COL4A1: variants seen among roughly 807,000 people sequenced by gnomAD.
The protein encoded by COL4A1 is collagen type IV alpha 1 chain.
Under a neutral mutation model 216.6 loss-of-function variants are expected in COL4A1, and 40 were observed. The ratio of observed to expected loss-of-function variants is 0.18; its 90% confidence interval spans 0.14 to 0.24. COL4A1 has a LOEUF of 0.24. COL4A1 is among the 10% of genes least tolerant of loss of function. COL4A1 has a pLI of 1.00. For missense variants in COL4A1, 1,628 were observed against 2,196.8 expected (o/e 0.74, Z 5.18); for synonymous variants, 839 against 810.7 (o/e 1.03, Z -0.59).
At chr13:110,182,748 T>C in intron 28 of COL4A1, among the ~76,000 whole-genome samples, 1 of 152,240 alleles carries the variant, frequency 6.6e-6, no homozygotes, top group East Asian at 1.9e-4. Context: ...CGGGCACCAT[T>C]GGTGGCAGTG....
At chr13:110,248,948 T>C (rs1295009788) in intron 1 of COL4A1, among the ~76,000 whole-genome samples, 1 of 152,154 alleles carries the variant, frequency 6.6e-6, no homozygotes, top group Non-Finnish European at 1.5e-5. Context: ...TTCTAGCTTC[T>C]GTCCTGTTTG....
At chr13:110,222,224 G>A (rs889509229) in intron 2 of COL4A1, among the ~76,000 whole-genome samples, 2 of 152,084 alleles carry the variant, frequency 1.3e-5, no homozygotes, top group African/African-American at 2.4e-5. Flanking sequence ...TGGCACCTCA[G>A]ACACACCCAT....
At chr13:110,165,497 C>T (rs919265654) in intron 45 of COL4A1, among the ~76,000 whole-genome samples, 25 of 152,096 alleles carry the variant, frequency 1.6e-4, no homozygotes, top group African/African-American at 5.5e-4. Context: ...ACACAAAGTG[C>T]GAGTTCCCCT....
intron 2 of COL4A1, among the ~76,000 whole-genome samples, chr13:110,221,203 A>G (rs991172181): frequency 1.3e-5 from 2 of 152,232 alleles, no homozygotes; most frequent in Admixed American, 1.3e-4. Flanking sequence ...ATGTAATCCA[A>G]AGCTAGAAGG....
chr13:110,209,476 C>A (rs1262278488), intron 10 of COL4A1, 49 bp from the exon 11 acceptor site: 7 of 1,279,714 alleles, frequency 5.5e-6, no homozygotes, highest in African/African-American at 1.5e-5. Context: ...CTCTAGGGAG[C>A]TTTAAGCCCT....
intron 1 of COL4A1, among the ~76,000 whole-genome samples, chr13:110,250,697 G>A (rs531881221): frequency 6.6e-6 from 1 of 152,264 alleles, no homozygotes; most frequent in African/African-American, 2.4e-5. Context: ...TGGGCTTCGT[G>A]TGTGTCTGCT....
In COL4A1 at chr13:110,174,013, T is replaced by A; in HGVS notation, c.3407-15A>T. The A allele has an allele frequency of 6.2e-7, 1 of 1,613,806 alleles. No homozygotes were observed. Among genetic ancestry groups the A allele is most frequent in the Non-Finnish European group, 8.5e-7 (1 of 1,179,898 alleles). On this transcript the variant is annotated splice_polypyrimidine_tract_variant and intron_variant, in intron 39 of 51. Transcript: ENST00000375820. The stretch of plus-strand genomic sequence containing the variant: ...CCCAGGAAGACCTCAAAGAGAAAAG[T>A]CACATCAGACACCCGCATAACCTCT...
rs142112358 is a variant in COL4A1 at position 110,271,823 on chromosome 13, G to C, written c.85-29089C>G. The stretch of plus-strand genomic sequence containing the variant: ...ATTTTCATCATTGTTCTGTGGTTTT[G>C]TAAGACATTAACATTTGGGGAATTT... On this transcript the variant is annotated intron_variant, in intron 1 of 51. Coordinates refer to ENST00000375820, the MANE Select transcript of COL4A1 (RefSeq NM_001845.6). 6.7e-3 allele frequency among the ~76,000 whole-genome samples: 1,027 copies of C among 152,306 alleles called. 4 individuals are homozygous for C. The highest frequency in any genetic ancestry group is 0.012 in the Non-Finnish European group (796 of 68,014).
intron 11 of COL4A1, among the ~76,000 whole-genome samples, chr13:110,209,151 G>C (rs559425189): frequency 8.2e-3 from 62 of 7,522 alleles, no homozygotes; most frequent in Admixed American, 0.017. Context: ...GAAAACTAAG[G>C]GAAATATCAG....
intron 2 of COL4A1, among the ~76,000 whole-genome samples, chr13:110,219,943 T>G (rs1010364563): frequency 2.0e-5 from 2 of 100,108 alleles, no homozygotes; most frequent in African/African-American, 8.0e-5. Context: ...TATGTGTGTG[T>G]ATATATACAC....
At chr13:110,213,370 T>G (rs1485926022) in intron 4 of COL4A1, among the ~76,000 whole-genome samples, 1 of 152,172 alleles carries the variant, frequency 6.6e-6, no homozygotes, top group Non-Finnish European at 1.5e-5. Context: ...TCATCATTAC[T>G]AAGAGGTGGA....
intron 2 of COL4A1, among the ~76,000 whole-genome samples, chr13:110,220,180 T>G (rs1425527058): frequency 6.6e-6 from 1 of 152,018 alleles, no homozygotes; most frequent in South Asian, 2.1e-4. Flanking sequence ...TCATGTGATT[T>G]GTCCGCCTTG....
At chr13:110,151,246 T>TGGG (rs934506225) in intron 51 of COL4A1, among the ~76,000 whole-genome samples, 28 of 152,286 alleles carry the variant, frequency 1.8e-4, no homozygotes, top group African/African-American at 6.0e-4. Context: ...TTTAAATTAA[T>TGGG]GGGATCTTAC....
At chr13:110,182,954 C>T in intron 28 of COL4A1, 39 bp downstream of exon 28, 4 of 1,573,912 alleles carry the variant, frequency 2.5e-6, no homozygotes, top group Non-Finnish European at 2.6e-6. Flanking sequence ...ACAGAAGTCA[C>T]AGGTGGACCA....
chr13:110,193,506 C>T (rs536944514), intron 22 of COL4A1, among the ~76,000 whole-genome samples: 14 of 152,230 alleles, frequency 9.2e-5, no homozygotes, highest in Non-Finnish European at 2.1e-4. Flanking sequence ...GCTCAGAGAC[C>T]TTACATTGTC....
intron 1 of COL4A1, among the ~76,000 whole-genome samples, chr13:110,258,694 A>G (rs1379304468): frequency 1.3e-5 from 2 of 152,250 alleles, no homozygotes; most frequent in Non-Finnish European, 2.9e-5. Flanking sequence ...ATAAGGTAAT[A>G]AACAATGTTA....
At chr13:110,266,882 G>A (rs553426670) in intron 1 of COL4A1, among the ~76,000 whole-genome samples, 4 of 152,204 alleles carry the variant, frequency 2.6e-5, no homozygotes, top group East Asian at 3.9e-4. Flanking sequence ...GCATGCCAGC[G>A]TTTATTTGCA....
intron 2 of COL4A1, among the ~76,000 whole-genome samples, chr13:110,236,549 GC>G (rs1033198343): frequency 2.6e-5 from 4 of 152,198 alleles, no homozygotes; most frequent in African/African-American, 7.2e-5. Flanking sequence ...TGTGGAGGAG[GC>G]AGAGGCACAA....
intron 8 of COL4A1, 90 bp from the exon 9 acceptor site, chr13:110,210,302 T>C (rs1879731437): frequency 1.6e-6 from 2 of 1,243,086 alleles, no homozygotes; most frequent in South Asian, 1.3e-5. Context: ...CATATATTAG[T>C]GTTACAGGAC....
Sources: allele counts gnomAD v4.1 joint callset (sites outside exome capture counted in the v4.1 genomes callset), GRCh38; gene constraint gnomAD v4.1.1; transcripts MANE v1.5; gene names NCBI Gene and HGNC (gene_info 2026-07-23, HGNC 2026-07-21).